Variants in PPP3CA observed in about 807,000 individuals in gnomAD.
PPP3CA encodes CAM-PRP catalytic subunit.
A neutral mutation model predicts 66.5 loss-of-function variants in PPP3CA; 14 were observed. The ratio of observed to expected loss-of-function variants is 0.21; its 90% CI spans 0.14 to 0.33. The LOEUF is 0.33. Among genes scored for constraint, PPP3CA ranks in the 10% least tolerant of loss-of-function variants. The pLI, the probability that PPP3CA is intolerant of heterozygous loss-of-function variation, is 1.00. For synonymous variants in PPP3CA, 232 were observed against 226.2 expected (o/e 1.03, Z -0.23); for missense variants, 317 against 639.5 (o/e 0.50, Z 5.44).
intron 2 of PPP3CA, among the ~76,000 whole-genome samples, chr4:101,160,508 G>A (rs990294477): frequency 1.6e-4 from 24 of 152,092 alleles, no homozygotes; most frequent in Non-Finnish European, 1.5e-5. Context: ...AATGCACAGA[G>A]TGTGCTCTAT....
At chr4:101,164,642 A>C (rs1161315785) in intron 2 of PPP3CA, among the ~76,000 whole-genome samples, 1 of 150,360 alleles carries the variant, frequency 6.7e-6, no homozygotes, top group African/African-American at 2.4e-5. Context: ...ATTTACATAG[A>C]ATGATTATGA....
chr4:101,058,821 A>G (rs1220822627), intron 10 of PPP3CA, among the ~76,000 whole-genome samples: 1 of 152,160 alleles, frequency 6.6e-6, no homozygotes, highest in African/African-American at 2.4e-5. Context: ...ATGTGCAGTC[A>G]TTTTGGCTAT....
At chr4:101,120,152 A>T (rs1023410571) in intron 2 of PPP3CA, among the ~76,000 whole-genome samples, 1 of 152,124 alleles carries the variant, frequency 6.6e-6, no homozygotes, top group Non-Finnish European at 1.5e-5. Context: ...TCCCTTACAT[A>T]TCTTTCACTA....
At chr4:101,300,825 A>G (rs981064416) in intron 1 of PPP3CA, among the ~76,000 whole-genome samples, 1 of 152,174 alleles carries the variant, frequency 6.6e-6, no homozygotes, top group African/African-American at 2.4e-5. Flanking sequence ...CCTAAATGTC[A>G]TTCTGGATTG....
chr4:101,333,274 T>G lies in PPP3CA; in HGVS notation c.58+13465A>C, dbSNP rs1255061687. On this transcript the variant is annotated intron_variant, in intron 1 of 13. Coordinates refer to ENST00000394854, the MANE Select transcript of PPP3CA (RefSeq NM_000944.5). ...AGGCATGCACTACCATGCCCAGTTT[T>G]TTTTTTTTTTTTTTTTTTTTTTTTT... is the stretch of plus-strand genomic sequence containing the variant. 1.9e-4 allele frequency among the ~76,000 whole-genome samples: 6 copies of G among 31,248 alleles called. No homozygotes were observed. In the East Asian group the frequency reaches 7.6e-3, roughly 40 times the overall value. 20.5% of individuals were successfully genotyped at this position (31,248 alleles called of 152,430 possible).
At chr4:101,241,574 A>G (rs1409491450) in intron 1 of PPP3CA, among the ~76,000 whole-genome samples, 1 of 152,140 alleles carries the variant, frequency 6.6e-6, no homozygotes, top group Non-Finnish European at 1.5e-5. Context: ...TGTCTATAAC[A>G]ATAGCCAATA....
At chr4:101,318,655 T>C (rs1156380842) in intron 1 of PPP3CA, among the ~76,000 whole-genome samples, 2 of 152,170 alleles carry the variant, frequency 1.3e-5, no homozygotes, top group Admixed American at 6.5e-5. Context: ...AACAAAAATA[T>C]AATCAATGGC....
At chr4:101,086,936 G>A (rs1729699363) in intron 6 of PPP3CA, among the ~76,000 whole-genome samples, 1 of 152,170 alleles carries the variant, frequency 6.6e-6, no homozygotes, top group Admixed American at 6.5e-5. Context: ...GATGCAAAGG[G>A]TTTCTTTCCC....
intron 1 of PPP3CA, among the ~76,000 whole-genome samples, chr4:101,243,037 T>C (rs1294015478): frequency 6.6e-6 from 1 of 152,174 alleles, no homozygotes; most frequent in Non-Finnish European, 1.5e-5. Flanking sequence ...AGGTTGATGA[T>C]GACCATGGCA....
chr4:101,106,500 G>T (rs201948618), intron 3 of PPP3CA, among the ~76,000 whole-genome samples: 1 of 75,610 alleles, frequency 1.3e-5, no homozygotes, highest in African/African-American at 4.8e-5. Context: ...GAAAAGAAAA[G>T]AAAGAAAGAA....
chr4:101,121,508 C>T (rs764556895), intron 2 of PPP3CA, among the ~76,000 whole-genome samples: 17 of 151,938 alleles, frequency 1.1e-4, no homozygotes, highest in East Asian at 3.9e-4. Flanking sequence ...TTACAAATAA[C>T]GCTTGATTTC....
chr4:101,344,495 C>T, intron 1 of PPP3CA, among the ~76,000 whole-genome samples: 1 of 152,194 alleles, frequency 6.6e-6, no homozygotes, highest in East Asian at 1.9e-4. Flanking sequence ...CATTTCACAT[C>T]TCACATCAGG....
At chr4:101,060,077 G>A (rs923501595) in intron 10 of PPP3CA, among the ~76,000 whole-genome samples, 5 of 151,952 alleles carry the variant, frequency 3.3e-5, no homozygotes, top group East Asian at 3.9e-4. Context: ...CCTCAGATAC[G>A]GAGGGCTGAC....
chr4:101,058,757 A>G (rs1324879640), intron 10 of PPP3CA, among the ~76,000 whole-genome samples: 1 of 152,196 alleles, frequency 6.6e-6, no homozygotes, highest in Non-Finnish European at 1.5e-5. Context: ...AAGTAAGCAC[A>G]GGGTTAGTCT....
intron 1 of PPP3CA, among the ~76,000 whole-genome samples, chr4:101,327,175 T>G (rs949543747): frequency 2.6e-4 from 40 of 152,276 alleles, no homozygotes; most frequent in African/African-American, 9.4e-4. Flanking sequence ...AGAAAATAAT[T>G]TACGCACATT....
chr4:101,126,908 C>T (rs1234474261), intron 2 of PPP3CA, among the ~76,000 whole-genome samples: 2 of 152,072 alleles, frequency 1.3e-5, no homozygotes, highest in East Asian at 3.9e-4. Flanking sequence ...TGCCAAGATG[C>T]CATTTATCCC....
At chr4:101,329,108 T>C (rs930595884) in intron 1 of PPP3CA, among the ~76,000 whole-genome samples, 1 of 152,200 alleles carries the variant, frequency 6.6e-6, no homozygotes, top group African/African-American at 2.4e-5. Context: ...GGCCCAAAGC[T>C]AGGCCTCTTG....
chr4:101,175,475 C>T (rs1391329201), intron 2 of PPP3CA, among the ~76,000 whole-genome samples: 1 of 152,138 alleles, frequency 6.6e-6, no homozygotes, highest in East Asian at 1.9e-4. Flanking sequence ...GGCAGGTCCA[C>T]CATTCCTTTC....
At chr4:101,092,242 T>C (rs1729985957) in intron 6 of PPP3CA, among the ~76,000 whole-genome samples, 1 of 152,208 alleles carries the variant, frequency 6.6e-6, no homozygotes, top group Admixed American at 6.5e-5. Flanking sequence ...GGTTCCTATA[T>C]ACTGTAAAGC....
Sources: allele counts gnomAD v4.1 joint callset (sites outside exome capture counted in the v4.1 genomes callset), GRCh38; gene constraint gnomAD v4.1.1; transcripts MANE v1.5; gene names NCBI Gene and HGNC (gene_info 2026-07-23, HGNC 2026-07-21).